TBC1D17: variants seen among roughly 807,000 people sequenced by gnomAD.
TBC1D17 encodes the protein TBC1 domain family, member 17.
A neutral mutation model predicts 78.8 loss-of-function variants in TBC1D17; 69 were observed. That is an observed-to-expected ratio of 0.88 (90% CI 0.72 to 1.07). The LOEUF (loss-of-function observed/expected upper bound fraction) is 1.07, where lower values mean the gene tolerates loss of function less well. Ranked by LOEUF, TBC1D17 falls within the 50% of genes least tolerant of loss-of-function variation. The probability of loss-of-function intolerance (pLI) is 0.00; values close to 1 mark genes in which losing one functional copy is unlikely to be tolerated. For missense variants in TBC1D17, 957 were observed against 861.0 expected, an observed-to-expected ratio of 1.11 and a Z score of -1.39; for synonymous variants, 456 against 358.3, an observed-to-expected ratio of 1.27 and a Z score of -3.08.
intron 3 of TBC1D17, among the ~76,000 whole-genome samples, chr19:49,879,857 T>C (rs201954237): frequency 0.028 from 4,002 of 140,602 alleles, 82 homozygotes; most frequent in East Asian, 0.09. Flanking sequence ...TTCTTTTTTT[T>C]TTTTTTTTTT....
rs1568680403 is a variant in TBC1D17, at chr19:49,888,594, C to CGAG, written c.1926_1928dup (p.Glu642dup). The CGAG allele has an allele frequency of 6.5e-7, 1 of 1,536,708 alleles. No individual in the cohort carries two copies. The highest frequency in any genetic ancestry group is 1.7e-4 in the Middle Eastern group (1 of 5,930). Reference sequence around the variant, plus strand: ...CCGACAGCAGCCTGGAGATCCTGCCCGAGGAGGAGGACGAGGGCGCCGACT... The same window carrying CGAG: ...CCGACAGCAGCCTGGAGATCCTGCCCGAGGAGGAGGAGGACGAGGGCGCCGACT... On this transcript the variant is annotated inframe_insertion, in exon 17 of 17. Coordinates refer to ENST00000221543, the MANE Select transcript of TBC1D17 (RefSeq NM_024682.3).
At chr19:49,881,931 CA>C in intron 5 of TBC1D17, 109 bp from the exon 6 acceptor site, 2 of 928,438 alleles carry the variant, frequency 2.2e-6, no homozygotes, top group Admixed American at 1.8e-5. Flanking sequence ...AGGGGTTGCC[CA>C]GGGGTGGTTG....
In TBC1D17 at chr19:49,888,412, C is replaced by A; in HGVS notation, c.1747-12C>A. The A allele has an allele frequency of 6.3e-7, 1 of 1,594,774 alleles. No homozygotes were observed. The highest frequency in any genetic ancestry group is 1.1e-5 in the South Asian group (1 of 89,094). On this transcript the variant is annotated splice_polypyrimidine_tract_variant and intron_variant, in intron 16 of 16. Coordinates refer to ENST00000221543, the MANE Select transcript of TBC1D17 (RefSeq NM_024682.3). ...CCTTCCGCTTTTCGCTTCTCTCATC[C>A]CGTGCCTCCAGGAGCTGCCCCACAA...
intron 15 of TBC1D17, 101 bp from the exon 16 acceptor site, chr19:49,888,130 G>T (rs777992789): frequency 2.0e-4 from 299 of 1,533,176 alleles, no homozygotes; most frequent in Non-Finnish European, 2.5e-4. Flanking sequence ...CAGAGGGCCA[G>T]CCCGGTGTGT....
Position 49,883,656 on chromosome 19 carries a change from A to G in TBC1D17, c.1037A>G (p.Glu346Gly), listed in dbSNP as rs1323708545. Residue 346 changes from glutamate to glycine, a missense_variant, in exon 10 of 17, where the codon GAG (glutamate) becomes GGG (glycine). Coordinates refer to ENST00000221543, the MANE Select transcript of TBC1D17 (RefSeq NM_024682.3). ...HKAHIRKKTDEYFRMKLQWKS... is the reference protein window; with the variant it reads ...HKAHIRKKTDGYFRMKLQWKS... ...TGTTTCCCTCTGTCACTCAGGGATG[A>G]GTATTTCCGCATGAAGCTGCAGTGG... The G allele has an allele frequency of 6.2e-7, 1 of 1,613,716 alleles. No individual in the cohort carries two copies. The highest frequency in any genetic ancestry group is 1.7e-5 in the Admixed American group (1 of 60,002).
chr19:49,881,425 G>C lies in TBC1D17; in HGVS notation c.477G>C (p.Gly159=). The C allele has an allele frequency of 6.2e-7, 1 of 1,612,288 alleles. No homozygotes were observed. The highest frequency in any genetic ancestry group is 8.5e-7 in the Non-Finnish European group (1 of 1,179,948). Residue 159 remains glycine, a synonymous_variant, in exon 5 of 17, where the codon GGG becomes GGC. Transcript: ENST00000221543. The part of the protein sequence containing the change: ...GSLPALHFHR[G]GTRALLRVLS... ...TGCCCGCACTGCACTTCCACCGCGG[G>C]GGCACCCGCGCCCTGCTCCGCGTCC...
intron 3 of TBC1D17, 25 bp downstream of exon 3, chr19:49,878,597 C>G: frequency 1.2e-6 from 2 of 1,610,568 alleles, no homozygotes; most frequent in Non-Finnish European, 1.7e-6. Context: ...CTTTGCCCTT[C>G]TCCACTCGCT....
At position 49,883,758 on chromosome 19, in the gene TBC1D17, G is replaced by T; in HGVS notation, c.1126+13G>T. ...CGCAGCCTCATCGGTCAGTGTCAGG[G>T]GTGGCACTTAGGGTGGATGGGAGCA... On this transcript the variant is annotated intron_variant, in intron 10 of 16. Transcript: ENST00000221543. 6.2e-7 allele frequency: 1 copy of T among 1,611,028 alleles called. No homozygotes were observed. Among genetic ancestry groups the T allele is most frequent in the Non-Finnish European group, 8.5e-7 (1 of 1,177,650 alleles).
At chr19:49,888,133 C>A (rs747604440) in intron 15 of TBC1D17, 98 bp from the exon 16 acceptor site, 2 of 1,534,936 alleles carry the variant, frequency 1.3e-6, no homozygotes, top group Non-Finnish European at 1.8e-6. Context: ...AGGGCCAGCC[C>A]GGTGTGTCTT....
Position 49,882,827 on chromosome 19 carries a change from C to T in TBC1D17, c.862C>T (p.Arg288Cys), listed in dbSNP as rs765945925. ...TCCAGTTACAGAGGAGGAGTGGGCACGCCACGTGGGCCCTGAAGGTCGCCT... is the reference window on the plus strand; with the variant it reads ...TCCAGTTACAGAGGAGGAGTGGGCATGCCACGTGGGCCCTGAAGGTCGCCT... ...GPPVTEEEWA[R>C]HVGPEGRLQQ... The change falls in exon 8 of 17, where the codon CGC becomes TGC. Residue 288 changes from arginine to cysteine, a missense_variant. Transcript: ENST00000221543. The T allele has an allele frequency of 2.6e-5, 42 of 1,610,488 alleles. No homozygotes were observed. The highest frequency in any genetic ancestry group is 5.0e-5 in the Admixed American group (3 of 59,534).
chr19:49,878,147 T>C lies in TBC1D17; in HGVS notation c.26T>C (p.Val9Ala). Residue 9 changes from valine to alanine, a missense_variant, in exon 2 of 17, where the codon GTG (valine) becomes GCG (alanine). Val to Ala is a moderately conservative substitution (Grantham distance 64, BLOSUM62 0). Transcript: ENST00000221543. Reference sequence around the variant, plus strand: ...CGCTGGTTCCCCCCAACTCAGGTGGTGTTTGAGAAGGGCGGAGTGTACCTG... The same window carrying C: ...CGCTGGTTCCCCCCAACTCAGGTGGCGTTTGAGAAGGGCGGAGTGTACCTG... MEGAGYRV[V>A]FEKGGVYLHT... is the part of the protein sequence containing the mutation. The C allele has an allele frequency of 6.3e-7, 1 of 1,575,934 alleles. No individual in the cohort carries two copies. The highest frequency in any genetic ancestry group is 8.6e-7 in the Non-Finnish European group (1 of 1,161,292).
chr19:49,883,665 G>A lies in TBC1D17; in HGVS notation c.1046G>A (p.Arg349His), dbSNP rs749223360. 33 of 1,613,754 alleles carry A rather than the reference G, an allele frequency of 2.0e-5. No homozygotes were observed. Among genetic ancestry groups the A allele is most frequent in the South Asian group, 9.9e-5 (9 of 91,086 alleles). ...CTGTCACTCAGGGATGAGTATTTCCGCATGAAGCTGCAGTGGAAATCTGTG... is the reference window on the plus strand; with the variant it reads ...CTGTCACTCAGGGATGAGTATTTCCACATGAAGCTGCAGTGGAAATCTGTG... Reference protein sequence around the residue: ...HIRKKTDEYFRMKLQWKSVSP... With the variant: ...HIRKKTDEYFHMKLQWKSVSP... The change falls in exon 10 of 17, where the codon CGC (arginine) becomes CAC (histidine). Residue 349 changes from arginine to histidine, a missense_variant. Arg to His is a conservative substitution (Grantham distance 29). Transcript: ENST00000221543.
intron 5 of TBC1D17, 72 bp downstream of exon 5, chr19:49,881,547 G>C (rs1156508329): frequency 6.9e-7 from 1 of 1,442,778 alleles, no homozygotes; most frequent in African/African-American, 1.4e-5. Flanking sequence ...ACCCCTCGGG[G>C]CTGTGAAAGA....
Position 49,888,526 on chromosome 19 carries a change from G to GCCCC in TBC1D17, c.1850_1853dup (p.Thr620AlafsTer61). The GCCCC allele has an allele frequency of 6.5e-7, 1 of 1,533,214 alleles. No individual in the cohort carries two copies. The highest frequency in any genetic ancestry group is 8.8e-7 in the Non-Finnish European group (1 of 1,141,156). The allele number at this position is 1,533,214 out of a possible 1,614,324, so 95.0% of individuals were successfully genotyped here. On this transcript the variant is annotated frameshift_variant, in exon 17 of 17. Coordinates refer to ENST00000221543, the MANE Select transcript of TBC1D17 (RefSeq NM_024682.3). LOFTEE classifies it low-confidence loss of function (END_TRUNC). ...CCCGCTGCCTCTGTCGCCCACCCGG[G>GCCCC]CCCCGCCCACCCCGCCGCCCTCCAC...
Position 49,884,490 on chromosome 19 carries a change from C to T in TBC1D17, c.1275C>T (p.Ser425=). The change falls in exon 12 of 17, where the codon TCC becomes TCT. Residue 425 remains serine, a synonymous_variant. Coordinates refer to ENST00000221543, the MANE Select transcript of TBC1D17 (RefSeq NM_024682.3). ...TCCAGGGCATGAGTGATCTTCTCTC[C>T]CCGATCCTCTACGTCATTCAGAACG... ...GYVQGMSDLL[S]PILYVIQNEV... The T allele has an allele frequency of 6.2e-7, 1 of 1,614,176 alleles. No homozygotes were observed. Among genetic ancestry groups the T allele is most frequent in the Non-Finnish European group, 8.5e-7 (1 of 1,180,032 alleles).
chr19:49,885,428 A>G (rs1448921165), intron 13 of TBC1D17: 1 of 102,452 alleles, frequency 9.8e-6, no homozygotes, highest in Non-Finnish European at 1.9e-5. Context: ...CTGGGCAACA[A>G]GAGCGAAAGA....
At chr19:49,879,017 G>A (rs964873106) in intron 3 of TBC1D17, 1 of 172,188 alleles carries the variant, frequency 5.8e-6, no homozygotes, top group Non-Finnish European at 1.3e-5. Flanking sequence ...CTGAGACCCA[G>A]AGATAAGTCA....
In TBC1D17 at chr19:49,887,788, G is replaced by A; in HGVS notation, c.1613G>A (p.Arg538Lys). 1.2e-6 allele frequency: 2 copies of A among 1,612,906 alleles called. No homozygotes were observed. The highest frequency in any genetic ancestry group is 2.2e-5 in the East Asian group (1 of 44,868). Reference sequence around the variant, plus strand: ...GCCTGCGCCATCCTGGACATGGAGAGGGACACCCTCATGCTGTCCGGCTTC... The same window carrying A: ...GCCTGCGCCATCCTGGACATGGAGAAGGACACCCTCATGCTGTCCGGCTTC... ...LVACAILDME[R>K]DTLMLSGFGS... The change falls in exon 15 of 17, where the codon AGG becomes AAG. Residue 538 changes from arginine to lysine, a missense_variant. Coordinates refer to ENST00000221543, the MANE Select transcript of TBC1D17 (RefSeq NM_024682.3).
At chr19:49,886,111 C>A (rs2122468626) in intron 13 of TBC1D17, among the ~76,000 whole-genome samples, 1 of 151,862 alleles carries the variant, frequency 6.6e-6, no homozygotes, top group East Asian at 1.9e-4. Flanking sequence ...GAAACCCCGT[C>A]TCTACTAAAA....
Sources: allele counts gnomAD v4.1 joint callset (sites outside exome capture counted in the v4.1 genomes callset), GRCh38; gene constraint gnomAD v4.1.1; transcripts MANE v1.5; gene names NCBI Gene and HGNC (gene_info 2026-07-23, HGNC 2026-07-21).